ADARB1: variants seen among roughly 807,000 people sequenced by gnomAD.
ADARB1 encodes the protein double-stranded RNA-specific editase 1.
ADARB1 carries 10 observed loss-of-function variants against 52.4 expected under a neutral mutation model. That is an observed-to-expected ratio of 0.19 (90% CI 0.12 to 0.32). The LOEUF is 0.32. ADARB1 is among the 10% of genes least tolerant of loss of function. The pLI is 1.00. For missense variants in ADARB1, 643 were observed against 922.3 expected (o/e 0.70, Z 3.92); for synonymous variants, 349 against 371.1 (o/e 0.94, Z 0.68).
At chr21:45,118,805 G>A (rs761812238) in intron 1 of ADARB1, among the ~76,000 whole-genome samples, 1 of 152,142 alleles carries the variant, frequency 6.6e-6, no homozygotes, top group Non-Finnish European at 1.5e-5. Context: ...AGGAATAAAA[G>A]CGTTCCCTAT....
intron 1 of ADARB1, among the ~76,000 whole-genome samples, chr21:45,096,578 C>T (rs1222904075): frequency 6.6e-6 from 1 of 152,144 alleles, no homozygotes; most frequent in Non-Finnish European, 1.5e-5. Context: ...GGTGAGCCTT[C>T]CCTCCAGAAG....
chr21:45,101,302 C>G (rs910112844), intron 1 of ADARB1, among the ~76,000 whole-genome samples: 1 of 152,168 alleles, frequency 6.6e-6, no homozygotes, highest in African/African-American at 2.4e-5. Context: ...CGGGCCGTGT[C>G]CCCGCAGCCC....
At chr21:45,160,490 GT>G (rs1178083655) in intron 2 of ADARB1, among the ~76,000 whole-genome samples, 1 of 152,208 alleles carries the variant, frequency 6.6e-6, no homozygotes, top group Non-Finnish European at 1.5e-5. Context: ...TTCCCTTAGA[GT>G]TGCCCCAGCA....
chr21:45,150,214 C>T (rs2090213116), intron 2 of ADARB1, among the ~76,000 whole-genome samples: 1 of 152,328 alleles, frequency 6.6e-6, no homozygotes. Context: ...GTGGAGGTTG[C>T]AGTGAGCTGA....
At chr21:45,190,564 C>T (rs758468739) in intron 8 of ADARB1, among the ~76,000 whole-genome samples, 1 of 152,192 alleles carries the variant, frequency 6.6e-6, no homozygotes, top group Non-Finnish European at 1.5e-5. Context: ...GAAAAAAGAA[C>T]CATCTCTCCC....
At chr21:45,154,014 A>G (rs2090434845) in intron 2 of ADARB1, among the ~76,000 whole-genome samples, 1 of 152,234 alleles carries the variant, frequency 6.6e-6, no homozygotes, top group Admixed American at 6.5e-5. Flanking sequence ...TTTCCCATGG[A>G]CACTCATCAC....
intron 1 of ADARB1, among the ~76,000 whole-genome samples, chr21:45,109,286 T>G (rs540275736): frequency 1.3e-4 from 19 of 146,548 alleles, no homozygotes; most frequent in East Asian, 1.2e-3. Context: ...GTGTGCGCGC[T>G]TGTGCATATA....
chr21:45,222,655 A>G lies in ADARB1; in HGVS notation c.*458A>G. 1.0e-6 allele frequency: 1 copy of G among 989,374 alleles called. No homozygotes were observed. The highest frequency in any genetic ancestry group is 1.2e-6 in the Non-Finnish European group (1 of 832,708). 61.3% of individuals were successfully genotyped at this position (989,374 alleles called of 1,614,324 possible). On this transcript the variant is annotated 3_prime_UTR_variant, in exon 11 of 11. Transcript: ENST00000348831. ...TTTATGCCACATTATTTTAATTGCA[A>G]AAAAGCATCTATATATGGAGGAGGG... is the stretch of plus-strand genomic sequence containing the variant.
At chr21:45,134,780 G>C in intron 2 of ADARB1, 1 of 534,082 alleles carries the variant, frequency 1.9e-6, no homozygotes, top group Non-Finnish European at 3.8e-6. Flanking sequence ...CCCCCTAGAG[G>C]CCAGGCCCAT....
chr21:45,129,686 G>A (rs2088812208), intron 2 of ADARB1, among the ~76,000 whole-genome samples: 1 of 152,200 alleles, frequency 6.6e-6, no homozygotes, highest in Admixed American at 6.5e-5. Context: ...ACCAGGGCGT[G>A]AGTGTGGACA....
At chr21:45,191,880 A>ATATATATTTTTT (rs1601874792) in intron 8 of ADARB1, among the ~76,000 whole-genome samples, 1 of 15,746 alleles carries the variant, frequency 6.4e-5, no homozygotes, top group African/African-American at 1.7e-4. Context: ...ATATATATAT[A>ATATATATTTTTT]TTTTTTTTTT....
intron 1 of ADARB1, among the ~76,000 whole-genome samples, chr21:45,094,523 G>A (rs899498951): frequency 2.0e-5 from 3 of 152,082 alleles, no homozygotes; most frequent in East Asian, 1.9e-4. Context: ...GCTGCCAGGC[G>A]CCCCGCCAGA....
chr21:45,206,643 G>T (rs759662228), intron 9 of ADARB1, among the ~76,000 whole-genome samples: 1 of 130,246 alleles, frequency 7.7e-6, no homozygotes, highest in African/African-American at 2.9e-5. Context: ...GCGTGATCTT[G>T]GCTCACTGCA....
At chr21:45,170,321 G>C (rs1004232070) in intron 2 of ADARB1, among the ~76,000 whole-genome samples, 1 of 152,342 alleles carries the variant, frequency 6.6e-6, no homozygotes, top group East Asian at 1.9e-4. Flanking sequence ...TGTTCAGGCA[G>C]TATTTACATT....
At position 45,208,623 on chromosome 21, in the gene ADARB1, TGC is replaced by T. The variant is rs962371810; in HGVS notation, c.1747+3889_1747+3890del. Among the ~76,000 whole-genome samples, 18 of 151,956 alleles carry T rather than the reference TGC, an allele frequency of 1.2e-4. No individual in the cohort carries two copies. Among genetic ancestry groups the T allele is most frequent in the African/African-American group, 3.6e-4 (15 of 41,412 alleles). On this transcript the variant is annotated intron_variant, in intron 9 of 10. Coordinates refer to ENST00000348831, the MANE Select transcript of ADARB1 (RefSeq NM_001112.4). The surrounding 1 kb of genome is among the most constrained non-coding windows in gnomAD (Gnocchi z 5.6). ...TGTGGAAAGTGTGTGTGTGTATGTG[TGC>T]GTGTGTGTGTGTGTGAGTGCATGTG...
chr21:45,111,930 T>A lies in ADARB1; in HGVS notation c.-219-16472T>A, dbSNP rs190571611. ...TCAGCGTGAGTGGGTGATGCTGGCATGGTGCCTGGTTGGGCACTCAACTGC... is the reference window on the plus strand; with the variant it reads ...TCAGCGTGAGTGGGTGATGCTGGCAAGGTGCCTGGTTGGGCACTCAACTGC... On this transcript the variant is annotated intron_variant, in intron 1 of 10. Transcript: ENST00000348831. Among the ~76,000 whole-genome samples, 13 of 152,360 alleles carry A rather than the reference T, an allele frequency of 8.5e-5. No individual in the cohort carries two copies. The East Asian group carries it at 2.5e-3, about 29-fold the overall frequency.
At chr21:45,075,620 A>G (rs1257951282) in intron 1 of ADARB1, among the ~76,000 whole-genome samples, 3 of 152,214 alleles carry the variant, frequency 2.0e-5, no homozygotes, top group African/African-American at 7.2e-5. Flanking sequence ...CAGAAGGAAA[A>G]TTATTGCGTG....
intron 2 of ADARB1, among the ~76,000 whole-genome samples, chr21:45,131,237 C>T (rs1483984351): frequency 1.3e-5 from 2 of 152,172 alleles, no homozygotes; most frequent in Admixed American, 1.3e-4. Flanking sequence ...CCTGTCAGTG[C>T]AGGCAGATGT....
chr21:45,203,895 AT>A (rs1256602912), intron 8 of ADARB1, among the ~76,000 whole-genome samples: 3 of 152,192 alleles, frequency 2.0e-5, no homozygotes, highest in Non-Finnish European at 4.4e-5. Flanking sequence ...ACGTGCTGGT[AT>A]TTTTCCTGTA....
Sources: allele counts gnomAD v4.1 joint callset (sites outside exome capture counted in the v4.1 genomes callset), GRCh38; gene constraint gnomAD v4.1.1; non-coding constraint Gnocchi (gnomAD v3.1); transcripts MANE v1.5; gene names NCBI Gene and HGNC (gene_info 2026-07-23, HGNC 2026-07-21).